The following CHRDL1 variants were observed in gnomAD, a reference collection of about 807,000 sequenced individuals.
The protein encoded by CHRDL1 is chordin like 1.
In CHRDL1, 19 loss-of-function variants were observed where a neutral mutation model predicts 40.9. The ratio of observed to expected loss-of-function variants is 0.46; its 90% CI spans 0.32 to 0.68. CHRDL1 has a LOEUF of 0.68. Ranked by LOEUF, CHRDL1 falls within the 30% of genes least tolerant of loss-of-function variation. CHRDL1 has a pLI of 0.03. For missense variants in CHRDL1, 329 were observed against 352.1 expected (o/e 0.93, Z 0.53); for synonymous variants, 136 against 123.4 (o/e 1.10, Z -0.68).
chrX:110,676,165 T>A lies in CHRDL1; in HGVS notation c.*66A>T. On this transcript the variant is annotated 3_prime_UTR_variant, in exon 12 of 12. Transcript: ENST00000372042. ...TAGGGCACTGTTGACTTAAGCAAAA[T>A]AAGCCTGCAGTCCAGCTGCAGCTTG... 3 of 1,117,356 alleles carry A rather than the reference T, an allele frequency of 2.7e-6. No homozygotes were observed. The highest frequency in any genetic ancestry group is 3.6e-6 in the Non-Finnish European group (3 of 830,807). 92.1% of individuals were successfully genotyped at this position (1,117,356 alleles called of 1,213,427 possible). A position where few individuals can be genotyped will look rare whatever the true frequency, so the allele number is the denominator to read the frequency against.
chrX:110,732,154 T>C (rs2071177123), intron 4 of CHRDL1, among the ~76,000 whole-genome samples: 1 of 110,951 alleles, frequency 9.0e-6, no homozygotes, highest in South Asian at 3.9e-4. Context: ...GAATCACAAA[T>C]GGGTAGAGGG....
intron 2 of CHRDL1, among the ~76,000 whole-genome samples, chrX:110,780,305 T>G (rs2089919995): frequency 9.0e-6 from 1 of 111,419 alleles, no homozygotes; most frequent in African/African-American, 3.2e-5. Flanking sequence ...TTCTGATCTT[T>G]TTTTTCCATG....
chrX:110,749,228 A>T (rs1271619997), intron 4 of CHRDL1, among the ~76,000 whole-genome samples: 1 of 111,724 alleles, frequency 9.0e-6, no homozygotes, highest in Non-Finnish European at 1.9e-5. Flanking sequence ...GTGAATGTGA[A>T]GAAATCAAAA....
At chrX:110,758,967 T>C (rs1421809166) in intron 4 of CHRDL1, among the ~76,000 whole-genome samples, 2 of 111,700 alleles carry the variant, frequency 1.8e-5, no homozygotes, top group Non-Finnish European at 3.8e-5. Flanking sequence ...CCCACAGGCA[T>C]TCTCTGAATC....
Position 110,781,008 on chromosome X carries a change from AT to A in CHRDL1, c.94+11079del, listed in dbSNP as rs200243697. Among the ~76,000 whole-genome samples, 26 of 109,752 alleles carry A rather than the reference AT, an allele frequency of 2.4e-4. No individual in the cohort carries two copies. The South Asian group carries it at 3.5e-3, about 15-fold the overall frequency. ...TTTTTCAGCCAAATCTTAGCAATAC[AT>A]TTTTTTTTGGTATAGATACAAATTA... is the stretch of plus-strand genomic sequence containing the variant. On this transcript the variant is annotated intron_variant, in intron 2 of 11. Coordinates refer to ENST00000372042, the MANE Select transcript of CHRDL1 (RefSeq NM_001143981.2).
At chrX:110,752,492 C>T (rs939533975) in intron 4 of CHRDL1, among the ~76,000 whole-genome samples, 4 of 111,595 alleles carry the variant, frequency 3.6e-5, no homozygotes, top group African/African-American at 1.3e-4. Context: ...AGAGAACAGT[C>T]AGTATGGACA....
At position 110,715,367 on chromosome X, in the gene CHRDL1, G is replaced by A. The variant is rs1046044940; in HGVS notation, c.541+4468C>T. Among the ~76,000 whole-genome samples the A allele has an allele frequency of 8.1e-5, 9 of 111,006 alleles. No individual in the cohort carries two copies. The South Asian group carries it at 3.5e-3, about 43-fold the overall frequency. On this transcript the variant is annotated intron_variant, in intron 6 of 11. Transcript: ENST00000372042. Reference sequence around the variant, plus strand: ...GAGAAGGTGCAATGATACTTAACTCGGGGGTAATAAATATAGTAATTACTA... The same window carrying A: ...GAGAAGGTGCAATGATACTTAACTCAGGGGTAATAAATATAGTAATTACTA...
Position 110,675,671 on chromosome X carries a change from ACGTGCG to A in CHRDL1, c.*554_*559del, listed in dbSNP as rs1260152408. 1.7e-5 allele frequency: 1 copy of A among 57,282 alleles called. No homozygotes were observed. Among genetic ancestry groups the A allele is most frequent in the African/African-American group, 1.3e-4 (1 of 7,989 alleles). 4.7% of individuals were successfully genotyped at this position (57,282 alleles called of 1,213,427 possible). ...AAGCTTTCGTTTAATGTGAGTGTGGACGTGCGTGTGTGTGTGTGTGTGTGTGTGTGT... is the reference window on the plus strand; with the variant it reads ...AAGCTTTCGTTTAATGTGAGTGTGGATGTGTGTGTGTGTGTGTGTGTGTGT... On this transcript the variant is annotated 3_prime_UTR_variant, in exon 12 of 12. Transcript: ENST00000372042.
intron 4 of CHRDL1, among the ~76,000 whole-genome samples, chrX:110,728,405 C>T (rs948877710): frequency 2.7e-5 from 3 of 111,042 alleles, no homozygotes; most frequent in East Asian, 2.8e-4. Flanking sequence ...ACTTGAAGGC[C>T]GTAGACTAGA....
chrX:110,790,820 G>T (rs776723716), intron 2 of CHRDL1, among the ~76,000 whole-genome samples: 1 of 107,789 alleles, frequency 9.3e-6, no homozygotes, highest in South Asian at 4.2e-4. Flanking sequence ...GAAGAAGGAA[G>T]CAATTTGAGG....
chrX:110,704,098 T>C (rs367804393), intron 6 of CHRDL1, among the ~76,000 whole-genome samples: 1 of 111,323 alleles, frequency 9.0e-6, no homozygotes, highest in East Asian at 2.8e-4. Context: ...AATAACTTAC[T>C]TGTACATTTT....
At chrX:110,763,169 T>C (rs2089595592) in intron 2 of CHRDL1, among the ~76,000 whole-genome samples, 1 of 110,963 alleles carries the variant, frequency 9.0e-6, no homozygotes, top group African/African-American at 3.3e-5. Flanking sequence ...CAGGTGGTAT[T>C]TGGTTACATG....
At chrX:110,719,705 C>A in intron 6 of CHRDL1, 130 bp downstream of exon 6, 7 of 275,831 alleles carry the variant, frequency 2.5e-5, no homozygotes, top group Non-Finnish European at 4.6e-5. Context: ...GTTAATTAAA[C>A]CACCTTTAAA....
chrX:110,791,901 A>G (rs1379250580), intron 2 of CHRDL1, among the ~76,000 whole-genome samples, 187 bp downstream of exon 2: 1 of 112,052 alleles, frequency 8.9e-6, no homozygotes, highest in Non-Finnish European at 1.9e-5. Flanking sequence ...ACAGCCCCAA[A>G]TTTAGTTGGC....
At chrX:110,762,937 T>C (rs1280038237) in intron 2 of CHRDL1, 130 bp from the exon 3 acceptor site, 2 of 480,138 alleles carry the variant, frequency 4.2e-6, no homozygotes, top group Admixed American at 3.5e-5. Flanking sequence ...ATTTATAGAA[T>C]TCCTATTAGG....
At chrX:110,708,829 G>C (rs1305052556) in intron 6 of CHRDL1, among the ~76,000 whole-genome samples, 1 of 111,425 alleles carries the variant, frequency 9.0e-6, no homozygotes, top group Non-Finnish European at 1.9e-5. Context: ...TTTATGGTGA[G>C]AAACAGAATC....
At chrX:110,688,915 CATAGCCATGGGGCTAT>C (rs2148419069) in intron 8 of CHRDL1, 112 bp from the exon 9 acceptor site, 1 of 569,940 alleles carries the variant, frequency 1.8e-6, no homozygotes, top group African/African-American at 2.3e-5. Context: ...TTGTTCTTGT[CATAGCCATGGGGCTAT>C]GTTTACCGAG....
intron 4 of CHRDL1, among the ~76,000 whole-genome samples, chrX:110,723,176 G>A (rs978778820): frequency 9.0e-6 from 1 of 110,971 alleles, no homozygotes; most frequent in African/African-American, 3.3e-5. Flanking sequence ...GCGTGAACTC[G>A]GGAGACAGAG....
At chrX:110,724,068 G>T (rs190373778) in intron 4 of CHRDL1, among the ~76,000 whole-genome samples, 1 of 109,768 alleles carries the variant, frequency 9.1e-6, no homozygotes, top group Admixed American at 9.7e-5. Flanking sequence ...AGGCCCATTT[G>T]CCCCCTGGGC....
Sources: allele counts gnomAD v4.1 joint callset (sites outside exome capture counted in the v4.1 genomes callset), GRCh38; gene constraint gnomAD v4.1.1; transcripts MANE v1.5; gene names NCBI Gene and HGNC (gene_info 2026-07-23, HGNC 2026-07-21).